Variants in PDS5B observed in about 807,000 individuals in gnomAD.
The protein encoded by PDS5B is sister chromatid cohesion protein PDS5 homolog B.
Under a neutral mutation model 184.1 loss-of-function variants are expected in PDS5B, and 51 were observed. The ratio of observed to expected loss-of-function variants is 0.28; its 90% CI spans 0.22 to 0.35. The LOEUF (loss-of-function observed/expected upper bound fraction) is 0.35, where lower values mean the gene tolerates loss of function less well. Among genes scored for constraint, PDS5B ranks in the 10% least tolerant of loss-of-function variants. The pLI is 1.00. For missense variants in PDS5B, 1,180 were observed against 1,723.3 expected, an observed-to-expected ratio of 0.68 and a Z score of 5.58; for synonymous variants, 566 against 569.2, an observed-to-expected ratio of 0.99 and a Z score of 0.08.
chr13:32,629,540 CA>C (rs1467785076), intron 1 of PDS5B, among the ~76,000 whole-genome samples: 1 of 152,182 alleles, frequency 6.6e-6, no homozygotes, highest in African/African-American at 2.4e-5. Context: ...TTACATTACT[CA>C]CTGACCCATT....
chr13:32,702,821 T>A lies in PDS5B; in HGVS notation c.1856+1383T>A, dbSNP rs544274281. Among the ~76,000 whole-genome samples the A allele has an allele frequency of 2.7e-3, 408 of 152,272 alleles. 2 individuals carry two copies. Among genetic ancestry groups the A allele is most frequent in the African/African-American group, 9.2e-3 (384 of 41,558 alleles). ...TGAAAGCCTTTAACATTGAGCTTCC[T>A]TTTACTTTATCTGTTGAGAACTATG... On this transcript the variant is annotated intron_variant, in intron 17 of 34. Transcript: ENST00000315596.
In PDS5B at chr13:32,629,662, T is replaced by A. The variant is rs148599583; in HGVS notation, c.-19-19092T>A. ...TCTTATTCATCTTATGCCCTTTGATTTATTGGTTTTGTACCTTGCTTACAG... is the reference window on the plus strand; with the variant it reads ...TCTTATTCATCTTATGCCCTTTGATATATTGGTTTTGTACCTTGCTTACAG... On this transcript the variant is annotated intron_variant, in intron 1 of 34. Coordinates refer to ENST00000315596, the MANE Select transcript of PDS5B (RefSeq NM_015032.4). Among the ~76,000 whole-genome samples the A allele has an allele frequency of 3.0e-4, 46 of 152,294 alleles. No individual in the cohort carries two copies. The East Asian group carries it at 8.5e-3, about 28-fold the overall frequency.
At chr13:32,766,684 T>TTTA (rs1156415353) in intron 31 of PDS5B, among the ~76,000 whole-genome samples, 1 of 152,192 alleles carries the variant, frequency 6.6e-6, no homozygotes, top group East Asian at 1.9e-4. Flanking sequence ...ATATTTAGCT[T>TTTA]TATAAATAAA....
chr13:32,639,946 T>C (rs898070306), intron 1 of PDS5B, among the ~76,000 whole-genome samples: 1 of 152,250 alleles, frequency 6.6e-6, no homozygotes, highest in Non-Finnish European at 1.5e-5. Flanking sequence ...TGCCGGTCTT[T>C]ATTTGTTGAT....
intron 9 of PDS5B, among the ~76,000 whole-genome samples, chr13:32,676,948 A>C (rs1483607988): frequency 6.6e-6 from 1 of 151,790 alleles, no homozygotes; most frequent in Non-Finnish European, 1.5e-5. Context: ...AAAAAAAAAA[A>C]AAAAAAAAGA....
At chr13:32,733,813 T>C (rs781770252) in intron 20 of PDS5B, among the ~76,000 whole-genome samples, 7 of 152,154 alleles carry the variant, frequency 4.6e-5, no homozygotes, top group Non-Finnish European at 7.4e-5. Context: ...GGCAGAGCCA[T>C]TGTTAGTAGT....
chr13:32,667,205 T>G (rs2140736621), intron 6 of PDS5B, among the ~76,000 whole-genome samples: 1 of 152,304 alleles, frequency 6.6e-6, no homozygotes, highest in South Asian at 2.1e-4. Flanking sequence ...GAAACATAGC[T>G]TCTTATGATG....
chr13:32,637,987 C>T (rs757677695), intron 1 of PDS5B, among the ~76,000 whole-genome samples: 1 of 152,084 alleles, frequency 6.6e-6, no homozygotes, highest in South Asian at 2.1e-4. Context: ...CTGATCTGGA[C>T]CAGGCTTAGC....
Position 32,683,931 on chromosome 13 carries a change from A to G in PDS5B, c.1111A>G (p.Ile371Val). 3.1e-6 allele frequency: 5 copies of G among 1,594,540 alleles called. No homozygotes were observed. Among genetic ancestry groups the G allele is most frequent in the Non-Finnish European group, 4.3e-6 (5 of 1,163,246 alleles). ...TGAGGAAGCTATTAGACATGATGTT[A>G]TTGTGTCAATAGTTACAGCTGCTAA... ...DPEEAIRHDVIVSIVTAAKKD... is the reference protein window; with the variant it reads ...DPEEAIRHDVVVSIVTAAKKD... Residue 371 changes from isoleucine (I) to valine (V), a missense_variant, in exon 11 of 35, where the codon ATT becomes GTT. This residue lies in a region of PDS5B where 475 missense variants were observed against 691.5 expected (regional missense o/e 0.69). Transcript: ENST00000315596.
chr13:32,770,296 A>C lies in PDS5B; in HGVS notation c.3800A>C (p.Glu1267Ala). ...SESDEQQWPEEKRLKEDILEN... is the reference protein window; with the variant it reads ...SESDEQQWPEAKRLKEDILEN... ...TCTGATGAACAGCAGTGGCCTGAGG[A>C]AAAGAGGCTCAAAGAAGATATATTA... The change falls in exon 32 of 35, where the codon GAA becomes GCA. Residue 1267 changes from glutamate (E) to alanine (A), a missense_variant. By Grantham distance (107) the Glu-to-Ala change is moderately radical. This residue lies in a region of PDS5B where 465 missense variants were observed against 497.8 expected (regional missense o/e 0.93). Coordinates refer to ENST00000315596, the MANE Select transcript of PDS5B (RefSeq NM_015032.4). 6.2e-7 allele frequency: 1 copy of C among 1,614,088 alleles called. No homozygotes were observed. The highest frequency in any genetic ancestry group is 8.5e-7 in the Non-Finnish European group (1 of 1,180,020).
chr13:32,634,832 C>T (rs9535064), intron 1 of PDS5B, among the ~76,000 whole-genome samples: 5 of 152,262 alleles, frequency 3.3e-5, no homozygotes, highest in African/African-American at 4.8e-5. Flanking sequence ...CCACCCGCCT[C>T]GGCCTCCCAG....
At chr13:32,635,170 GTTTTTTTTTTTTTTTTTTTTTTTTTTTT>G (rs71071054) in intron 1 of PDS5B, among the ~76,000 whole-genome samples, 2,631 of 81,052 alleles carry the variant, frequency 0.032, 151 homozygotes, top group African/African-American at 0.11. Context: ...AGCCAATTAC[GTTTTTTTTTTTTTTTTTTTTTTTTTTTT>G]TTTTTTTTTT....
chr13:32,596,361 A>G (rs1025041038), intron 1 of PDS5B, among the ~76,000 whole-genome samples: 2 of 152,194 alleles, frequency 1.3e-5, no homozygotes, highest in Non-Finnish European at 2.9e-5. Flanking sequence ...TGGATGTATC[A>G]GTTTTTATTG....
chr13:32,722,948 A>G (rs1008275230), intron 19 of PDS5B, among the ~76,000 whole-genome samples: 4 of 152,258 alleles, frequency 2.6e-5, no homozygotes, highest in African/African-American at 9.6e-5. Context: ...TTGCAGATTT[A>G]CAGCTTCAGG....
chr13:32,775,059 G>A lies in PDS5B; in HGVS notation c.*7G>A, dbSNP rs1308137782. On this transcript the variant is annotated 3_prime_UTR_variant, in exon 35 of 35. Transcript: ENST00000315596. The stretch of plus-strand genomic sequence containing the variant: ...TAAAAGGGAACGGCGATGAACAAAT[G>A]TAATTAATAACTTTCTCTGTGAAAG... 3 of 1,335,178 alleles carry A rather than the reference G, an allele frequency of 2.2e-6. No individual in the cohort carries two copies. The highest frequency in any genetic ancestry group is 1.9e-4 in the Middle Eastern group (1 of 5,218). The allele number at this position is 1,335,178 out of a possible 1,614,324, so 82.7% of individuals were successfully genotyped here.
chr13:32,600,326 T>C lies in PDS5B; in HGVS notation c.-20+13733T>C, dbSNP rs1201321807. On this transcript the variant is annotated intron_variant, in intron 1 of 34. Transcript: ENST00000315596. ...TACAAAATTTTTGTTGTAGAGTGGA[T>C]ATGATACATCATATCTCTAAACTCT... Among the ~76,000 whole-genome samples, 3 of 152,262 alleles carry C rather than the reference T, an allele frequency of 2.0e-5. No homozygotes were observed. In the East Asian group the frequency reaches 5.8e-4, roughly 29 times the overall value.
At chr13:32,592,579 T>A (rs979736591) in intron 1 of PDS5B, among the ~76,000 whole-genome samples, 9 of 152,160 alleles carry the variant, frequency 5.9e-5, no homozygotes, top group African/African-American at 2.2e-4. Context: ...TCTTGAGCAC[T>A]TTTTCCCCCT....
At chr13:32,679,977 A>G (rs1400348693) in intron 10 of PDS5B, among the ~76,000 whole-genome samples, 1 of 148,412 alleles carries the variant, frequency 6.7e-6, no homozygotes, top group Non-Finnish European at 1.5e-5. Context: ...TTTCTTTAGC[A>G]TCCTTTTCTT....
chr13:32,729,791 G>GT (rs1566382725), intron 19 of PDS5B, among the ~76,000 whole-genome samples: 1 of 152,124 alleles, frequency 6.6e-6, no homozygotes, highest in East Asian at 1.9e-4. Flanking sequence ...TGATGGAGTT[G>GT]TTTTTTTCTT....
Sources: allele counts gnomAD v4.1 joint callset (sites outside exome capture counted in the v4.1 genomes callset), GRCh38; gene constraint gnomAD v4.1.1; regional missense constraint gnomAD v4.1.1; transcripts MANE v1.5; gene names NCBI Gene and HGNC (gene_info 2026-07-23, HGNC 2026-07-21).